MTHFD1: variants seen among roughly 807,000 people sequenced by gnomAD.
The protein encoded by MTHFD1 is methylenetetrahydrofolate dehydrogenase, cyclohydrolase and formyltetrahydrofolate synthetase 1.
A neutral mutation model predicts 110.3 loss-of-function variants in MTHFD1; 44 were observed. That is an observed-to-expected ratio of 0.40 (90% confidence interval 0.31 to 0.51). The LOEUF is 0.51. Ranked by LOEUF, MTHFD1 falls within the 20% of genes least tolerant of loss-of-function variation. The pLI is 0.60. For missense variants in MTHFD1, 909 were observed against 1,173.1 expected (o/e 0.77, Z 3.29); for synonymous variants, 402 against 428.8 (o/e 0.94, Z 0.77).
At chr14:64,420,766 C>T (rs1488648099) in intron 8 of MTHFD1, among the ~76,000 whole-genome samples, 1 of 152,176 alleles carries the variant, frequency 6.6e-6, no homozygotes, top group Non-Finnish European at 1.5e-5. Context: ...ACACTAATTT[C>T]AGTGACCTCT....
intron 4 of MTHFD1, among the ~76,000 whole-genome samples, chr14:64,412,826 C>A (rs540834945): frequency 6.6e-6 from 1 of 151,438 alleles, no homozygotes; most frequent in Non-Finnish European, 1.5e-5. Context: ...TTAATAGAGA[C>A]GCGGTTTCAC....
In MTHFD1 at chr14:64,441,376, G is replaced by C; in HGVS notation, c.1816-9G>C. The C allele has an allele frequency of 1.2e-6, 2 of 1,613,982 alleles. No homozygotes were observed. The highest frequency in any genetic ancestry group is 1.7e-6 in the Non-Finnish European group (2 of 1,179,886). Reference sequence around the variant, plus strand: ...GTGGGAGTTGATGCTGCACACATTTGTTTTGTAGGGGGTGAGTGGTGCACT... The same window carrying C: ...GTGGGAGTTGATGCTGCACACATTTCTTTTGTAGGGGGTGAGTGGTGCACT... On this transcript the variant is annotated splice_polypyrimidine_tract_variant and intron_variant, in intron 18 of 27. Transcript: ENST00000652337.
intron 2 of MTHFD1, among the ~76,000 whole-genome samples, chr14:64,401,426 G>A (rs2077895818): frequency 2.6e-5 from 4 of 152,122 alleles, no homozygotes; most frequent in South Asian, 2.1e-4. Context: ...AGTTTTGGCC[G>A]GACACGGTGG....
intron 1 of MTHFD1, among the ~76,000 whole-genome samples, chr14:64,400,342 C>T (rs570327965): frequency 7.9e-5 from 12 of 151,092 alleles, no homozygotes; most frequent in Non-Finnish European, 1.3e-4. Flanking sequence ...AAGCTGAGAT[C>T]GCACCATTGC....
At chr14:64,425,235 G>A (rs1159873968) in intron 9 of MTHFD1, among the ~76,000 whole-genome samples, 1 of 143,432 alleles carries the variant, frequency 7.0e-6, no homozygotes, top group Non-Finnish European at 1.5e-5. Context: ...TTTTTGAGAC[G>A]GAGTTTTGCT....
chr14:64,438,883 T>C (rs1249224360), intron 16 of MTHFD1, among the ~76,000 whole-genome samples: 1 of 152,256 alleles, frequency 6.6e-6, no homozygotes, highest in Non-Finnish European at 1.5e-5. Context: ...ACCAAGCCAT[T>C]CCACATTCCT....
At chr14:64,444,547 C>G (rs2078275372) in intron 21 of MTHFD1, 146 bp from the exon 22 acceptor site, 2 of 907,194 alleles carry the variant, frequency 2.2e-6, no homozygotes, top group South Asian at 2.8e-5. Context: ...GTCACATACC[C>G]TAAGTCCTTA....
chr14:64,406,315 G>A (rs1359300588), intron 2 of MTHFD1, among the ~76,000 whole-genome samples: 2 of 151,620 alleles, frequency 1.3e-5, no homozygotes, highest in African/African-American at 2.4e-5. Flanking sequence ...CTAGGATTAC[G>A]GACATGAGCC....
chr14:64,415,575 G>A, intron 5 of MTHFD1, 64 bp from the exon 6 acceptor site: 3 of 1,613,276 alleles, frequency 1.9e-6, no homozygotes, highest in Admixed American at 1.7e-5. Context: ...CAGCATAAAT[G>A]TTTCTAAAGA....
chr14:64,393,413 G>GA (rs528700089), intron 1 of MTHFD1, among the ~76,000 whole-genome samples: 10,374 of 140,288 alleles, frequency 0.074, 404 homozygotes, highest in Non-Finnish European at 0.089. Context: ...ATCTCAGAAA[G>GA]AAAAAAAAAA....
intron 26 of MTHFD1, among the ~76,000 whole-genome samples, chr14:64,457,641 A>T (rs1476572441): frequency 6.6e-6 from 1 of 151,870 alleles, no homozygotes; most frequent in African/African-American, 2.4e-5. Flanking sequence ...TTTTTAGTAG[A>T]GATGGGGTTT....
intron 1 of MTHFD1, among the ~76,000 whole-genome samples, chr14:64,393,817 G>A (rs542715780): frequency 3.3e-5 from 5 of 152,166 alleles, no homozygotes; most frequent in Admixed American, 6.5e-5. Flanking sequence ...GTACAGAGGA[G>A]GGTCCTTGGA....
At chr14:64,435,057 C>G (rs919964370) in intron 15 of MTHFD1, among the ~76,000 whole-genome samples, 1 of 135,852 alleles carries the variant, frequency 7.4e-6, no homozygotes, top group African/African-American at 2.7e-5. Flanking sequence ...TCAAGCAGTT[C>G]TGCTGTCTCA....
chr14:64,421,741 C>A (rs533655907), intron 8 of MTHFD1, among the ~76,000 whole-genome samples: 244 of 152,144 alleles, frequency 1.6e-3, no homozygotes, highest in Non-Finnish European at 2.8e-3. Flanking sequence ...CTCCCGCCTC[C>A]GCCTCCCGAG....
At chr14:64,408,934 G>A (rs1466318458) in intron 2 of MTHFD1, among the ~76,000 whole-genome samples, 1 of 152,142 alleles carries the variant, frequency 6.6e-6, no homozygotes, top group African/African-American at 2.4e-5. Context: ...GGGTGGCAGA[G>A]TAAGACCCTG....
intron 15 of MTHFD1, 118 bp downstream of exon 15, chr14:64,431,979 A>G (rs947539358): frequency 4.7e-6 from 4 of 854,320 alleles, no homozygotes; most frequent in Non-Finnish European, 7.8e-6. Flanking sequence ...ATCAGTAATC[A>G]TAGTCTTAAA....
rs532898572 is a variant in MTHFD1, at chr14:64,403,576, T to C, written c.126+2699T>C. Among the ~76,000 whole-genome samples, 248 of 126,616 alleles carry C rather than the reference T, an allele frequency of 2.0e-3. 2 individuals carry two copies. Among genetic ancestry groups the C allele is most frequent in the African/African-American group, 6.7e-3 (242 of 36,130 alleles). The allele number at this position is 126,616 out of a possible 152,430, so 83.1% of individuals were successfully genotyped here. ...AGCCACTGCGCCCAGCCTTAATTTT[T>C]TGTATTTTTTTGTAGAGTTTTTTTT... On this transcript the variant is annotated intron_variant, in intron 2 of 27. Transcript: ENST00000652337.
chr14:64,408,533 C>T (rs2077956395), intron 2 of MTHFD1, among the ~76,000 whole-genome samples: 1 of 152,192 alleles, frequency 6.6e-6, no homozygotes, highest in South Asian at 2.1e-4. Context: ...AGGTGATCTG[C>T]CCGCCTTAGC....
At chr14:64,430,418 C>T (rs1596546749) in intron 13 of MTHFD1, among the ~76,000 whole-genome samples, 188 bp downstream of exon 13, 1 of 152,294 alleles carries the variant, frequency 6.6e-6, no homozygotes, top group East Asian at 1.9e-4. Flanking sequence ...CCTGCGTCAG[C>T]CTCCCGAGTA....
Sources: gnomAD v4.1 joint callset for allele counts (sites outside exome capture counted in the v4.1 genomes callset) on GRCh38, gnomAD v4.1.1 for gene constraint, MANE v1.5 for transcripts, NCBI Gene and HGNC (gene_info 2026-07-23, HGNC 2026-07-21) for gene names.